Variants in MYH10 observed in about 807,000 individuals in gnomAD.
MYH10 encodes myosin-10.
Under a neutral mutation model 257.8 loss-of-function variants are expected in MYH10, and 55 were observed. The ratio of observed to expected loss-of-function variants is 0.21; its 90% CI spans 0.17 to 0.27. The LOEUF is 0.27. Ranked by LOEUF, MYH10 falls within the 10% of genes least tolerant of loss-of-function variation. MYH10 has a pLI of 1.00. For missense variants in MYH10, 1,631 were observed against 2,500.6 expected (o/e 0.65, Z 7.42); for synonymous variants, 854 against 921.7 (o/e 0.93, Z 1.33).
chr17:8,597,530 T>C (rs972424293), intron 3 of MYH10, among the ~76,000 whole-genome samples: 4 of 152,104 alleles, frequency 2.6e-5, no homozygotes, highest in African/African-American at 9.7e-5. Flanking sequence ...AAAACTATCT[T>C]TATATGTTGC....
Position 8,504,167 on chromosome 17 carries a change from A to G in MYH10, c.3599+527T>C, listed in dbSNP as rs9892997. ...TCATGCCCGCCCTGGCTGCTGGCTC[A>G]TGATGCTGCATATGCCTCTGCCCAC... On this transcript the variant is annotated intron_variant, in intron 28 of 42. Coordinates refer to ENST00000360416, the MANE Select transcript of MYH10 (RefSeq NM_001256012.3). This position sits in a 1 kb window ranked among gnomAD's most constrained non-coding sequence, Gnocchi z 5.6. Among the ~76,000 whole-genome samples the G allele has an allele frequency of 0.42, 64,456 of 151,994 alleles. 13,628 individuals are homozygous for G. The highest frequency in any genetic ancestry group is 0.5 in the East Asian group (2,590 of 5,152).
chr17:8,604,758 G>T, intron 3 of MYH10, 68 bp downstream of exon 3: 1 of 1,127,744 alleles, frequency 8.9e-7, no homozygotes, highest in Non-Finnish European at 1.2e-6. Context: ...AATACATTGA[G>T]ACATTAAAAA....
chr17:8,511,047 T>C (rs1468389762), intron 24 of MYH10: 10 of 35,572 alleles, frequency 2.8e-4, no homozygotes, highest in African/African-American at 7.3e-4. Context: ...TATATATATA[T>C]ATATATATAT....
intron 7 of MYH10, chr17:8,560,713 G>A (rs1400047631): frequency 1.5e-6 from 1 of 648,054 alleles, no homozygotes; most frequent in Admixed American, 1.9e-5. Context: ...TCTACCAGGA[G>A]AAATTTGATG....
intron 30 of MYH10, among the ~76,000 whole-genome samples, chr17:8,498,666 T>C (rs866511041): frequency 2.1e-4 from 32 of 151,866 alleles, no homozygotes; most frequent in African/African-American, 7.5e-4. Context: ...GCTAACGTGG[T>C]GAAACCCCGT....
chr17:8,491,924 C>T (rs979231899), intron 34 of MYH10, among the ~76,000 whole-genome samples: 16 of 152,194 alleles, frequency 1.1e-4, no homozygotes, highest in African/African-American at 3.9e-4. Flanking sequence ...GCCATTCCCT[C>T]CTCCTCCTCT....
At chr17:8,499,732 A>T (rs950527275) in intron 29 of MYH10, among the ~76,000 whole-genome samples, 1 of 152,204 alleles carries the variant, frequency 6.6e-6, no homozygotes, top group African/African-American at 2.4e-5. Context: ...AGCCTTGTCC[A>T]TGCCAGGTGT....
Position 8,518,049 on chromosome 17 carries a change from T to A in MYH10, c.2504+582A>T, listed in dbSNP as rs75756404. Among the ~76,000 whole-genome samples the A allele has an allele frequency of 7.9e-5, 10 of 125,940 alleles. No homozygotes were observed. The East Asian group carries it at 1.4e-3, about 18-fold the overall frequency. 82.6% of individuals were successfully genotyped at this position (125,940 alleles called of 152,430 possible). A position where few individuals can be genotyped will look rare whatever the true frequency, so the allele number is the denominator to read the frequency against. ...CCGTGTGTGTGTGTGTGTGTGTGTGTGAGAAGCATTCTCTGAGGACTTGAG... is the reference window on the plus strand; with the variant it reads ...CCGTGTGTGTGTGTGTGTGTGTGTGAGAGAAGCATTCTCTGAGGACTTGAG... On this transcript the variant is annotated intron_variant, in intron 21 of 42. Coordinates refer to ENST00000360416, the MANE Select transcript of MYH10 (RefSeq NM_001256012.3).
At chr17:8,503,144 G>A (rs1235564522) in intron 28 of MYH10, among the ~76,000 whole-genome samples, 1 of 152,130 alleles carries the variant, frequency 6.6e-6, no homozygotes, top group African/African-American at 2.4e-5. Flanking sequence ...TTAGCCGGGC[G>A]TGGTGGCACA....
intron 7 of MYH10, among the ~76,000 whole-genome samples, chr17:8,558,549 G>A (rs1197637046): frequency 6.6e-6 from 1 of 152,080 alleles, no homozygotes; most frequent in East Asian, 1.9e-4. Context: ...AGGAGTCCTT[G>A]GCACACTGCA....
chr17:8,604,684 A>T, intron 3 of MYH10, 142 bp downstream of exon 3: 4 of 588,706 alleles, frequency 6.8e-6, no homozygotes, highest in Non-Finnish European at 1.0e-5. Flanking sequence ...TTAAAAACTC[A>T]ATTTTTCTAC....
chr17:8,587,262 A>G (rs2083945008), intron 4 of MYH10, among the ~76,000 whole-genome samples: 1 of 152,136 alleles, frequency 6.6e-6, no homozygotes, highest in African/African-American at 2.4e-5. Flanking sequence ...GCCCAATCCA[A>G]CTGCTGGGAA....
intron 11 of MYH10, among the ~76,000 whole-genome samples, chr17:8,548,053 G>A (rs992053121): frequency 3.3e-5 from 5 of 151,904 alleles, no homozygotes; most frequent in African/African-American, 9.7e-5. Context: ...GACCTCCTGC[G>A]GCTGAGTTCT....
intron 29 of MYH10, among the ~76,000 whole-genome samples, chr17:8,500,268 A>G (rs1917311441): frequency 6.6e-6 from 1 of 152,200 alleles, no homozygotes; most frequent in Admixed American, 6.6e-5. Flanking sequence ...CATGGAGGCC[A>G]GTCTGCACAG....
intron 2 of MYH10, among the ~76,000 whole-genome samples, chr17:8,617,359 C>T (rs1597989545): frequency 6.6e-6 from 1 of 152,262 alleles, no homozygotes; most frequent in Non-Finnish European, 1.5e-5. Context: ...CAGCTCTTTC[C>T]TAATGCTTCT....
intron 17 of MYH10, among the ~76,000 whole-genome samples, chr17:8,523,430 T>C (rs763644475): frequency 1.4e-4 from 21 of 152,186 alleles, no homozygotes; most frequent in Non-Finnish European, 2.8e-4. Context: ...ATAGGAGAAA[T>C]GAGTGGTTAG....
At chr17:8,547,466 C>T (rs555191568) in intron 11 of MYH10, among the ~76,000 whole-genome samples, 2 of 151,920 alleles carry the variant, frequency 1.3e-5, no homozygotes, top group South Asian at 4.2e-4. Context: ...AAAATGGTGA[C>T]CAAGAAGCAG....
intron 14 of MYH10, among the ~76,000 whole-genome samples, chr17:8,541,750 C>G (rs1333691324): frequency 6.6e-6 from 1 of 152,228 alleles, no homozygotes; most frequent in East Asian, 1.9e-4. Flanking sequence ...CGTGACACGT[C>G]TTGTTCTCAG....
At position 8,475,763 on chromosome 17, in the gene MYH10, T is replaced by G. The variant is rs1441207707; in HGVS notation, c.*41A>C. 6.3e-7 allele frequency: 1 copy of G among 1,597,902 alleles called. No individual in the cohort carries two copies. The highest frequency in any genetic ancestry group is 1.7e-5 in the Admixed American group (1 of 58,232). On this transcript the variant is annotated 3_prime_UTR_variant, in exon 43 of 43. Coordinates refer to ENST00000360416, the MANE Select transcript of MYH10 (RefSeq NM_001256012.3). ...CTGCAGGAGGCCCCGGGTGCATTCC[T>G]AACTGTCCCACTGTATTGCCTCCTC...
Sources: gnomAD v4.1 joint callset for allele counts (sites outside exome capture counted in the v4.1 genomes callset) on GRCh38, gnomAD v4.1.1 for gene constraint, Gnocchi (gnomAD v3.1) non-coding constraint, MANE v1.5 for transcripts, NCBI Gene and HGNC (gene_info 2026-07-23, HGNC 2026-07-21) for gene names.